Variants in RBM10 observed in about 807,000 individuals in gnomAD.
The protein encoded by RBM10 is RNA binding motif protein 10, also known as RNA-binding protein 10.
In RBM10, 1 loss-of-function variant was observed where a neutral mutation model predicts 84.9. That is an observed-to-expected ratio of 0.01 (90% CI 0.00 to 0.06). The LOEUF (loss-of-function observed/expected upper bound fraction) is 0.06. Ranked by LOEUF, RBM10 falls within the 10% of genes least tolerant of loss-of-function variation. RBM10 has a pLI of 1.00. For synonymous variants in RBM10, 326 were observed against 344.5 expected (o/e 0.95, Z 0.60); for missense variants, 438 against 839.0 (o/e 0.52, Z 5.90).
In RBM10 at chrX:47,147,341, C is replaced by T. The variant is rs782528973; in HGVS notation, c.-125-16C>T. 3 of 1,180,469 alleles carry T rather than the reference C, an allele frequency of 2.5e-6. No individual in the cohort carries two copies. In the East Asian group the frequency reaches 9.2e-5, roughly 36 times the overall value. On this transcript the variant is annotated splice_polypyrimidine_tract_variant and intron_variant, in intron 1 of 23. Coordinates refer to ENST00000377604, the MANE Select transcript of RBM10 (RefSeq NM_005676.5). The stretch of plus-strand genomic sequence containing the variant: ...CCCAACAGTTTTGACCCCTTTCTTC[C>T]CTCCACTCTCCCCAGAGTCCCTGCA...
intron 2 of RBM10, among the ~76,000 whole-genome samples, chrX:47,153,768 G>A (rs781983113): frequency 4.9e-4 from 55 of 111,699 alleles, no homozygotes; most frequent in Non-Finnish European, 6.8e-4. Flanking sequence ...TCTGTACCTC[G>A]AAAAACTTGG....
At chrX:47,158,707 A>T (rs1257087181) in intron 2 of RBM10, among the ~76,000 whole-genome samples, 1 of 111,819 alleles carries the variant, frequency 8.9e-6, no homozygotes, top group Non-Finnish European at 1.9e-5. Flanking sequence ...TGGCCTGTAC[A>T]GGTTTTTTTA....
chrX:47,171,410 G>C, intron 4 of RBM10, 152 bp downstream of exon 4: 1 of 949,424 alleles, frequency 1.1e-6, no homozygotes, highest in South Asian at 2.5e-5. Flanking sequence ...TCCGTCCTCT[G>C]TGGGCAGGTC....
At position 47,185,630 on chromosome X, in the gene RBM10, G is replaced by A. The variant is rs922080225; in HGVS notation, c.2355G>A (p.Lys785=). ...IRHQQLSGLH[K]QNLEIHRRAH... ...ACCAGCAGCTCTCAGGGCTCCACAA[G>A]GTAACAGCGGATGGTTGGCAGGGCA... Residue 785 remains lysine, a splice_region_variant and synonymous_variant, in exon 20 of 24, where the codon AAG becomes AAA. Coordinates refer to ENST00000377604, the MANE Select transcript of RBM10 (RefSeq NM_005676.5). 2 of 1,207,699 alleles carry A rather than the reference G, an allele frequency of 1.7e-6. No individual in the cohort carries two copies. Among genetic ancestry groups the A allele is most frequent in the East Asian group, 3.0e-5 (1 of 33,765 alleles).
intron 11 of RBM10, 53 bp from the exon 12 acceptor site, chrX:47,180,366 C>G: frequency 1.7e-6 from 2 of 1,156,049 alleles, no homozygotes; most frequent in Admixed American, 4.7e-5. Context: ...TCCCACTCCC[C>G]CCTACCGCTT....
At chrX:47,151,598 G>A (rs781975546) in intron 2 of RBM10, among the ~76,000 whole-genome samples, 3 of 112,018 alleles carry the variant, frequency 2.7e-5, no homozygotes, top group Non-Finnish European at 5.6e-5. Context: ...GGTTGTGGCA[G>A]AAAGTCCAAA....
chrX:47,171,316 C>G (rs1934651429), intron 4 of RBM10, 58 bp downstream of exon 4: 1 of 1,187,546 alleles, frequency 8.4e-7, no homozygotes, highest in African/African-American at 1.8e-5. Flanking sequence ...CCAGGGCCCT[C>G]AACTTCTCCC....
In RBM10 at chrX:47,145,454, G is replaced by A. The variant is rs1432006293; in HGVS notation, c.-157G>A. ...TGGCGGCGGGCAGAGGTGATGTCTG[G>A]GAGCCCTTCCTTGACAGCCCGGGCC... On this transcript the variant is annotated 5_prime_UTR_variant, in exon 1 of 24. Coordinates refer to ENST00000377604, the MANE Select transcript of RBM10 (RefSeq NM_005676.5). 2 of 1,151,925 alleles carry A rather than the reference G, an allele frequency of 1.7e-6. No individual in the cohort carries two copies. Among genetic ancestry groups the A allele is most frequent in the African/African-American group, 3.6e-5 (2 of 55,183 alleles). 94.9% of individuals were successfully genotyped at this position (1,151,925 alleles called of 1,213,427 possible).
chrX:47,180,451 G>T lies in RBM10; in HGVS notation c.1193G>T (p.Ser398Ile), dbSNP rs1556778605. ...DMASNEGSRI[S>I]AASVASTAIA... ...GCCTCCAATGAAGGCAGTCGCATCA[G>T]TGCTGCCTCTGTGGCCAGCACTGCC... is the stretch of plus-strand genomic sequence containing the variant. Residue 398 changes from serine to isoleucine, a missense_variant, in exon 12 of 24, where the codon AGT becomes ATT. Transcript: ENST00000377604. 8.3e-7 allele frequency: 1 copy of T among 1,207,725 alleles called. No homozygotes were observed. Among genetic ancestry groups the T allele is most frequent in the African/African-American group, 1.8e-5 (1 of 57,123 alleles).
At chrX:47,158,691 C>T (rs905008281) in intron 2 of RBM10, among the ~76,000 whole-genome samples, 13 of 111,871 alleles carry the variant, frequency 1.2e-4, no homozygotes, top group South Asian at 3.7e-4. Flanking sequence ...CATGGGCCAC[C>T]GCATCTGGCC....
intron 12 of RBM10, among the ~76,000 whole-genome samples, 192 bp from the exon 13 acceptor site, chrX:47,181,023 T>C (rs1371728400): frequency 3.6e-5 from 4 of 111,483 alleles, no homozygotes; most frequent in Non-Finnish European, 7.5e-5. Context: ...TTTTCTGTCT[T>C]GTGTTTGCCA....
intron 5 of RBM10, among the ~76,000 whole-genome samples, chrX:47,174,737 C>A (rs891596383): frequency 2.7e-5 from 3 of 110,800 alleles, no homozygotes; most frequent in Non-Finnish European, 5.7e-5. Flanking sequence ...CTGCCCGAGC[C>A]CCATCTCTCT....
intron 17 of RBM10, among the ~76,000 whole-genome samples, chrX:47,184,311 A>G (rs782311768): frequency 9.8e-6 from 1 of 102,240 alleles, no homozygotes; most frequent in Admixed American, 1.0e-4. Flanking sequence ...GTATTTTTTT[A>G]GTAGAGCTGG....
rs370048928 is a variant in RBM10 at position 47,152,774 on chromosome X, GACACACACAC to G, written c.17+5309_17+5318del. Among the ~76,000 whole-genome samples, 170 of 80,357 alleles carry G rather than the reference GACACACACAC, an allele frequency of 2.1e-3. 2 individuals are homozygous for G. The highest frequency in any genetic ancestry group is 6.4e-3 in the African/African-American group (135 of 20,974). 69.8% of individuals were successfully genotyped at this position (80,357 alleles called of 115,157 possible). A position where few individuals can be genotyped will look rare whatever the true frequency, so the allele number is the denominator to read the frequency against. On this transcript the variant is annotated intron_variant, in intron 2 of 23. Coordinates refer to ENST00000377604, the MANE Select transcript of RBM10 (RefSeq NM_005676.5). ...CCCTATAGCTCTATATCTTTACATAGACACACACACACACACACACACACACACACACACA... is the reference window on the plus strand; with the variant it reads ...CCCTATAGCTCTATATCTTTACATAGACACACACACACACACACACACACA...
intron 2 of RBM10, chrX:47,157,302 A>C (rs1347837484): frequency 6.0e-5 from 20 of 331,140 alleles, no homozygotes; most frequent in Non-Finnish European, 1.2e-4. Flanking sequence ...CACCTTGTAC[A>C]GAACGGTGTT....
At chrX:47,163,063 A>T (rs938507357) in intron 2 of RBM10, among the ~76,000 whole-genome samples, 1 of 110,193 alleles carries the variant, frequency 9.1e-6, no homozygotes, top group South Asian at 3.8e-4. Flanking sequence ...CTCCAAAAAA[A>T]AAAAAAAATC....
chrX:47,164,688 G>A (rs1556768208), intron 2 of RBM10, among the ~76,000 whole-genome samples: 12 of 111,823 alleles, frequency 1.1e-4, no homozygotes, highest in Non-Finnish European at 2.1e-4. Flanking sequence ...AAATGGTACA[G>A]CTGCTGTGGA....
Position 47,181,297 on chromosome X carries a change from A to G in RBM10, c.1331A>G (p.Tyr444Cys), listed in dbSNP as rs2147184854. The change falls in exon 13 of 24, where the codon TAT (tyrosine) becomes TGT (cysteine). Residue 444 changes from tyrosine (Y) to cysteine (C), a missense_variant. This residue lies in a region of RBM10 where 97 missense variants were observed against 110.3 expected (regional missense o/e 0.88). Coordinates refer to ENST00000377604, the MANE Select transcript of RBM10 (RefSeq NM_005676.5). ...AGCTACTACCAACAGGATGAGGGCT[A>G]TGGCAACAGCCAGGGCACAGAGTCT... ...DYSYYQQDEG[Y>C]GNSQGTESSL... 3 of 1,186,216 alleles carry G rather than the reference A, an allele frequency of 2.5e-6. No individual in the cohort carries two copies. Among genetic ancestry groups the G allele is most frequent in the Middle Eastern group, 2.3e-4 (1 of 4,330 alleles).
At chrX:47,184,650 G>A (rs916923770) in intron 17 of RBM10, among the ~76,000 whole-genome samples, 6 of 111,010 alleles carry the variant, frequency 5.4e-5, no homozygotes, top group Non-Finnish European at 1.9e-5. Flanking sequence ...AGATGGGCCC[G>A]CCACTCTGTC....
Sources: allele counts gnomAD v4.1 joint callset (sites outside exome capture counted in the v4.1 genomes callset), GRCh38; gene constraint gnomAD v4.1.1; regional missense constraint gnomAD v4.1.1; transcripts MANE v1.5; gene names NCBI Gene and HGNC (gene_info 2026-07-23, HGNC 2026-07-21).